ZFP42: variants seen among roughly 807,000 people sequenced by gnomAD.
ZFP42 encodes the protein ZFP42 zinc finger protein.
For missense variants in ZFP42, 438 were observed against 377.1 expected (o/e 1.16, Z -1.34); for synonymous variants, 175 against 144.6 (o/e 1.21, Z -1.51).
At position 188,003,868 on chromosome 4, in the gene ZFP42, TACTAAGA is replaced by T. The variant is rs1733952163; in HGVS notation, c.*129_*135del. 3 of 947,108 alleles carry T rather than the reference TACTAAGA, an allele frequency of 3.2e-6. No individual in the cohort carries two copies. The African/African-American group carries it at 5.0e-5, about 16-fold the overall frequency. The allele number at this position is 947,108 out of a possible 1,614,324, so 58.7% of individuals were successfully genotyped here. On this transcript the variant is annotated 3_prime_UTR_variant, in exon 4 of 4. Coordinates refer to ENST00000326866, the MANE Select transcript of ZFP42 (RefSeq NM_174900.5). ...CCCAAAAGCGGTTATAATTTGGTGT[TACTAAGA>T]TGCTCCTACACTTTGTGATACCGTT...
chr4:188,003,213 G>C lies in ZFP42; in HGVS notation c.406G>C (p.Val136Leu), dbSNP rs373571534. The change falls in exon 4 of 4, where the codon GTT becomes CTT. Residue 136 changes from valine to leucine, a missense_variant. By Grantham distance (32) the Val-to-Leu change is conservative. Coordinates refer to ENST00000326866, the MANE Select transcript of ZFP42 (RefSeq NM_174900.5). ...GVKKELPQKIVGENSLEYSEY... is the reference protein window; with the variant it reads ...GVKKELPQKILGENSLEYSEY... ...AAAGAAAGAGCTTCCACAAAAGATAGTTGGAGAGAATTCGCTTGAGTATTC... is the reference window on the plus strand; with the variant it reads ...AAAGAAAGAGCTTCCACAAAAGATACTTGGAGAGAATTCGCTTGAGTATTC... 25 of 1,613,830 alleles carry C rather than the reference G, an allele frequency of 1.5e-5. No individual in the cohort carries two copies. The highest frequency in any genetic ancestry group is 1.1e-4 in the East Asian group (5 of 44,892).
intron 1 of ZFP42, among the ~76,000 whole-genome samples, chr4:187,998,725 G>A (rs73019314): frequency 0.011 from 1,717 of 152,266 alleles, 35 homozygotes; most frequent in African/African-American, 0.04. Flanking sequence ...GGGCCCTACT[G>A]TGTAACCTGG....
At chr4:187,998,948 C>G (rs1733710157) in intron 1 of ZFP42, among the ~76,000 whole-genome samples, 160 bp from the exon 2 acceptor site, 1 of 152,262 alleles carries the variant, frequency 6.6e-6, no homozygotes, top group Non-Finnish European at 1.5e-5. Flanking sequence ...ATATGTCATC[C>G]TCACAAGCTT....
intron 1 of ZFP42, among the ~76,000 whole-genome samples, chr4:187,996,646 C>A (rs1420848094): frequency 6.6e-6 from 1 of 152,106 alleles, no homozygotes; most frequent in East Asian, 1.9e-4. Context: ...TTCCGCTCTT[C>A]ATCCAATCCA....
intron 1 of ZFP42, among the ~76,000 whole-genome samples, chr4:187,996,266 C>A (rs1733557182): frequency 1.3e-5 from 2 of 152,052 alleles, no homozygotes; most frequent in South Asian, 4.2e-4. Context: ...ATGGCAATAC[C>A]CCCAACTCAA....
chr4:188,002,050 G>A (rs771198424), intron 3 of ZFP42, among the ~76,000 whole-genome samples: 25 of 152,064 alleles, frequency 1.6e-4, no homozygotes, highest in African/African-American at 3.9e-4. Context: ...GGTGGCGTGC[G>A]CCTGTAATCC....
At chr4:187,998,153 G>C (rs1185013329) in intron 1 of ZFP42, among the ~76,000 whole-genome samples, 2 of 152,084 alleles carry the variant, frequency 1.3e-5, no homozygotes, top group African/African-American at 2.4e-5. Flanking sequence ...CCTGACCAAC[G>C]TGGAGAAACC....
At chr4:187,996,783 GA>G (rs1385049710) in intron 1 of ZFP42, among the ~76,000 whole-genome samples, 1 of 152,108 alleles carries the variant, frequency 6.6e-6, no homozygotes, top group Non-Finnish European at 1.5e-5. Flanking sequence ...AAATCTAATA[GA>G]TTTTTCTGTT....
rs1733951630 is a variant in ZFP42, at chr4:188,003,850, G to A, written c.*110G>A. The A allele has an allele frequency of 8.4e-7, 1 of 1,189,308 alleles. No individual in the cohort carries two copies. Among genetic ancestry groups the A allele is most frequent in the Admixed American group, 2.8e-5 (1 of 35,468 alleles). 73.7% of individuals were successfully genotyped at this position (1,189,308 alleles called of 1,614,324 possible). On this transcript the variant is annotated 3_prime_UTR_variant, in exon 4 of 4. Transcript: ENST00000326866. The stretch of plus-strand genomic sequence containing the variant: ...CTAAATCAATATTGCAACCCCAAAA[G>A]CGGTTATAATTTGGTGTTACTAAGA...
intron 1 of ZFP42, among the ~76,000 whole-genome samples, chr4:187,997,965 CA>C (rs548145995): frequency 2.0e-5 from 3 of 152,020 alleles, no homozygotes; most frequent in Non-Finnish European, 4.4e-5. Context: ...TATTTTTGTA[CA>C]GGTGAAAAAA....
Position 188,004,863 on chromosome 4 carries a change from G to C in ZFP42, c.*1123G>C, listed in dbSNP as rs566285509. 6.0e-6 allele frequency: 1 copy of C among 167,186 alleles called. No individual in the cohort carries two copies. The highest frequency in any genetic ancestry group is 6.5e-5 in the Admixed American group (1 of 15,288). The allele number at this position is 167,186 out of a possible 1,614,324, so 10.4% of individuals were successfully genotyped here. A position where few individuals can be genotyped will look rare whatever the true frequency, so the allele number is the denominator to read the frequency against. ...GAGAATGAAAAATTTGCAGTAGATA[G>C]TCAATAAATGAATCAGTAGTTAAAT... On this transcript the variant is annotated 3_prime_UTR_variant, in exon 4 of 4. Coordinates refer to ENST00000326866, the MANE Select transcript of ZFP42 (RefSeq NM_174900.5).
At chr4:187,997,236 T>TTTTTA (rs1553987619) in intron 1 of ZFP42, among the ~76,000 whole-genome samples, 1 of 123,588 alleles carries the variant, frequency 8.1e-6, no homozygotes, top group African/African-American at 3.2e-5. Flanking sequence ...TTCTTTTTTT[T>TTTTTA]TTTTTTTTTT....
intron 1 of ZFP42, among the ~76,000 whole-genome samples, chr4:187,997,409 ATTT>A (rs1733644429): frequency 6.7e-6 from 1 of 149,166 alleles, no homozygotes; most frequent in African/African-American, 2.5e-5. Context: ...AATTTTTTTT[ATTT>A]TTAATAGGGT....
intron 3 of ZFP42, among the ~76,000 whole-genome samples, chr4:187,999,989 G>A (rs1020271513): frequency 4.6e-5 from 7 of 152,228 alleles, no homozygotes; most frequent in African/African-American, 1.7e-4. Flanking sequence ...AGGTGAGCTT[G>A]GAGGGAAAAG....
chr4:187,995,976 C>G (rs1733546412), intron 1 of ZFP42, 136 bp downstream of exon 1: 1 of 152,318 alleles, frequency 6.6e-6, no homozygotes, highest in East Asian at 1.9e-4. Flanking sequence ...CAGGCCGGAG[C>G]CGGCCTCGCC....
At position 187,997,486 on chromosome 4, in the gene ZFP42, C is replaced by G. The variant is rs183950803; in HGVS notation, c.-338-1622C>G. 4.0e-3 allele frequency among the ~76,000 whole-genome samples: 607 copies of G among 151,988 alleles called. 29 individuals are homozygous for G. In the East Asian group the frequency reaches 0.094, roughly 24 times the overall value. ...TCGTGATCCGCCCGCCTCGGCCTCCCAAAGTGGTGGGATTACAAGCGTGAG... is the reference window on the plus strand; with the variant it reads ...TCGTGATCCGCCCGCCTCGGCCTCCGAAAGTGGTGGGATTACAAGCGTGAG... On this transcript the variant is annotated intron_variant, in intron 1 of 3. Transcript: ENST00000326866.
chr4:188,002,118 A>T (rs1177260848), intron 3 of ZFP42, among the ~76,000 whole-genome samples: 2 of 152,188 alleles, frequency 1.3e-5, no homozygotes, highest in African/African-American at 4.8e-5. Context: ...TGGAGGTTGC[A>T]ATGAGCTAAG....
intron 2 of ZFP42, among the ~76,000 whole-genome samples, 156 bp downstream of exon 2, chr4:187,999,429 G>C (rs1024063691): frequency 6.6e-6 from 1 of 152,124 alleles, no homozygotes; most frequent in Admixed American, 6.6e-5. Flanking sequence ...ACCATGCCTG[G>C]CCTTAGGAAA....
At chr4:188,000,810 C>T (rs1225393082) in intron 3 of ZFP42, among the ~76,000 whole-genome samples, 1 of 152,042 alleles carries the variant, frequency 6.6e-6, no homozygotes, top group Non-Finnish European at 1.5e-5. Context: ...GATGAAATCC[C>T]GTATCTACTA....
Sources: allele counts gnomAD v4.1 joint callset (sites outside exome capture counted in the v4.1 genomes callset), GRCh38; gene constraint gnomAD v4.1.1; transcripts MANE v1.5; gene names NCBI Gene and HGNC (gene_info 2026-07-23, HGNC 2026-07-21).